UBE2L6: variants seen among roughly 807,000 people sequenced by gnomAD.
UBE2L6 encodes the protein ubiquitin conjugating enzyme E2 L6, also known as ubiquitin/ISG15-conjugating enzyme E2 L6.
UBE2L6 carries 11 observed loss-of-function variants against 13.6 expected under a neutral mutation model. The observed-to-expected ratio is 0.81, with a 90% CI of 0.51 to 1.34. The LOEUF is 1.34. Among genes scored for constraint, UBE2L6 ranks in the 40% most tolerant of loss-of-function variants. UBE2L6 has a pLI of 0.00. For missense variants in UBE2L6, 197 were observed against 199.5 expected (o/e 0.99, Z 0.07); for synonymous variants, 74 against 83.2 (o/e 0.89, Z 0.60).
chr11:57,561,001 T>G (rs554838263), intron 1 of UBE2L6, among the ~76,000 whole-genome samples: 2 of 152,198 alleles, frequency 1.3e-5, no homozygotes, highest in South Asian at 4.1e-4. Context: ...CAGGGAAAAA[T>G]AGATCACTTC....
Position 57,552,249 on chromosome 11 carries a change from G to C in UBE2L6, c.*109C>G. 2 of 1,466,748 alleles carry C rather than the reference G, an allele frequency of 1.4e-6. No homozygotes were observed. The highest frequency in any genetic ancestry group is 2.3e-5 in the East Asian group (1 of 43,896). The allele number at this position is 1,466,748 out of a possible 1,614,324, so 90.9% of individuals were successfully genotyped here. On this transcript the variant is annotated 3_prime_UTR_variant, in exon 4 of 4. Transcript: ENST00000287156. ...CACAAACTAATGACTAACAACCTAA[G>C]AAGGGAAAAATGAATGGGGAATGGG...
chr11:57,552,266 G>C lies in UBE2L6; in HGVS notation c.*92C>G. Reference sequence around the variant, plus strand: ...CAACCTAAGAAGGGAAAAATGAATGGGGAATGGGCCACAGGGGGCTCTGGC... The same window carrying C: ...CAACCTAAGAAGGGAAAAATGAATGCGGAATGGGCCACAGGGGGCTCTGGC... On this transcript the variant is annotated 3_prime_UTR_variant, in exon 4 of 4. Coordinates refer to ENST00000287156, the MANE Select transcript of UBE2L6 (RefSeq NM_004223.5). 1.3e-6 allele frequency: 2 copies of C among 1,523,642 alleles called. No individual in the cohort carries two copies. The highest frequency in any genetic ancestry group is 4.5e-5 in the East Asian group (2 of 44,088). The allele number at this position is 1,523,642 out of a possible 1,614,324, so 94.4% of individuals were successfully genotyped here.
chr11:57,556,685 A>G (rs2848621), intron 2 of UBE2L6, among the ~76,000 whole-genome samples: 67,636 of 151,588 alleles, frequency 0.45, 15,513 homozygotes, highest in East Asian at 0.73. Flanking sequence ...AGTAAGGAGA[A>G]AAGGCTGTGC....
chr11:57,553,278 G>A (rs1050012066), intron 3 of UBE2L6, among the ~76,000 whole-genome samples: 2 of 152,378 alleles, frequency 1.3e-5, no homozygotes, highest in Non-Finnish European at 1.5e-5. Flanking sequence ...TGGATGGCTT[G>A]AACTCACGAG....
chr11:57,561,677 T>A (rs548499917), intron 1 of UBE2L6, among the ~76,000 whole-genome samples: 1 of 152,198 alleles, frequency 6.6e-6, no homozygotes, highest in African/African-American at 2.4e-5. Flanking sequence ...CAAGGTCAAG[T>A]ACATTTGGTA....
At chr11:57,558,786 G>T (rs867491433) in intron 2 of UBE2L6, among the ~76,000 whole-genome samples, 2 of 152,220 alleles carry the variant, frequency 1.3e-5, no homozygotes, top group Middle Eastern at 3.4e-3. Context: ...ACCTTTCCTG[G>T]TTCTCCTTCC....
intron 1 of UBE2L6, chr11:57,567,251 C>T: frequency 2.1e-6 from 1 of 483,822 alleles, no homozygotes; most frequent in Non-Finnish European, 3.9e-6. Context: ...CACCAAGATG[C>T]CAAGGACTTT....
chr11:57,560,257 G>T, intron 2 of UBE2L6, 80 bp downstream of exon 2: 1 of 1,110,386 alleles, frequency 9.0e-7, no homozygotes, highest in Non-Finnish European at 1.4e-6. Flanking sequence ...GAAAATTCTT[G>T]CCTAGTCCTA....
At chr11:57,567,347 ATCTTC>A (rs200514162) in intron 1 of UBE2L6, 30,187 of 616,934 alleles carry the variant, frequency 0.049, 981 homozygotes, top group Non-Finnish European at 0.068. Flanking sequence ...GAGCCGGCTC[ATCTTC>A]ACCACGCGAA....
intron 1 of UBE2L6, chr11:57,567,174 C>T (rs565056667): frequency 1.3e-4 from 59 of 462,700 alleles, no homozygotes; most frequent in African/African-American, 1.1e-3. Context: ...GGGCTTATTC[C>T]AAGGCAAGGA....
chr11:57,557,083 G>GAAAGA (rs547759958), intron 2 of UBE2L6, among the ~76,000 whole-genome samples: 66 of 151,350 alleles, frequency 4.4e-4, no homozygotes, highest in Middle Eastern at 3.4e-3. Context: ...AAAAAAAAAG[G>GAAAGA]AAAGAAAAGA....
Position 57,552,040 on chromosome 11 carries a change from C to A in UBE2L6, c.*318G>T, listed in dbSNP as rs770424594. 1.4e-5 allele frequency: 4 copies of A among 285,676 alleles called. No homozygotes were observed. The highest frequency in any genetic ancestry group is 2.6e-5 in the Non-Finnish European group (4 of 150,962). 17.7% of individuals were successfully genotyped at this position (285,676 alleles called of 1,614,324 possible). On this transcript the variant is annotated 3_prime_UTR_variant, in exon 4 of 4. Transcript: ENST00000287156. The stretch of plus-strand genomic sequence containing the variant: ...GATTCATTTCCTGCAAGCAGGCCTG[C>A]AAGGTGACCTGTCTCTCTAAGATGG...
At chr11:57,556,470 G>A (rs368479663) in intron 2 of UBE2L6, among the ~76,000 whole-genome samples, 12 of 151,852 alleles carry the variant, frequency 7.9e-5, no homozygotes, top group African/African-American at 2.4e-4. Context: ...TGTAATATCC[G>A]CTACACGGGA....
At chr11:57,552,890 C>T (rs1195725336) in intron 3 of UBE2L6, among the ~76,000 whole-genome samples, 2 of 152,156 alleles carry the variant, frequency 1.3e-5, no homozygotes, top group Non-Finnish European at 1.5e-5. Context: ...GACTGAAAAC[C>T]ACCACTGCCC....
intron 1 of UBE2L6, among the ~76,000 whole-genome samples, chr11:57,564,589 G>C (rs1945071676): frequency 6.6e-6 from 1 of 152,186 alleles, no homozygotes; most frequent in Non-Finnish European, 1.5e-5. Context: ...GATCACCTGA[G>C]GTCAGGAGTT....
chr11:57,553,261 A>G (rs903875795), intron 3 of UBE2L6, among the ~76,000 whole-genome samples: 1 of 152,278 alleles, frequency 6.6e-6, no homozygotes, highest in African/African-American at 2.4e-5. Context: ...TGGGAGGCCA[A>G]GATGGGTGGA....
chr11:57,558,675 T>G (rs1945015623), intron 2 of UBE2L6, among the ~76,000 whole-genome samples: 1 of 152,270 alleles, frequency 6.6e-6, no homozygotes. Flanking sequence ...CTCATCGAGC[T>G]GAATCCTTCC....
At chr11:57,565,782 A>G (rs1945086386) in intron 1 of UBE2L6, among the ~76,000 whole-genome samples, 1 of 152,200 alleles carries the variant, frequency 6.6e-6, no homozygotes, top group Non-Finnish European at 1.5e-5. Flanking sequence ...AAATCTAAAA[A>G]CATACAATGG....
chr11:57,556,628 A>C (rs563428745), intron 2 of UBE2L6, among the ~76,000 whole-genome samples: 35 of 150,402 alleles, frequency 2.3e-4, no homozygotes, highest in Non-Finnish European at 4.6e-4. Context: ...GAGATGGAGT[A>C]AAAAAAAGTA....
Sources: allele counts gnomAD v4.1 joint callset (sites outside exome capture counted in the v4.1 genomes callset), GRCh38; gene constraint gnomAD v4.1.1; transcripts MANE v1.5; gene names NCBI Gene and HGNC (gene_info 2026-07-23, HGNC 2026-07-21).